The following GRK5 variants were observed in gnomAD, a reference collection of about 807,000 sequenced individuals.
GRK5 encodes the protein G protein-coupled receptor kinase 5.
GRK5 carries 40 observed loss-of-function variants against 78.4 expected under a neutral mutation model. That is an observed-to-expected ratio of 0.51 (90% CI 0.40 to 0.66). The LOEUF is 0.66. GRK5 is among the 30% of genes least tolerant of loss of function. GRK5 has a pLI of 0.00. For synonymous variants in GRK5, 289 were observed against 296.8 expected (o/e 0.97, Z 0.27); for missense variants, 598 against 759.9 (o/e 0.79, Z 2.50).
chr10:119,309,491 T>G (rs1333667921), intron 1 of GRK5, among the ~76,000 whole-genome samples: 1 of 152,250 alleles, frequency 6.6e-6, no homozygotes, highest in Admixed American at 6.5e-5. Context: ...CCAGGTCCTG[T>G]GACCCTATGT....
intron 2 of GRK5, among the ~76,000 whole-genome samples, chr10:119,367,244 T>C (rs1851464502): frequency 6.6e-6 from 1 of 152,214 alleles, no homozygotes; most frequent in Admixed American, 6.5e-5. Context: ...TCTGCTAAGC[T>C]CTAGCCTTCC....
At chr10:119,395,565 G>C (rs1852034374) in intron 3 of GRK5, among the ~76,000 whole-genome samples, 1 of 152,166 alleles carries the variant, frequency 6.6e-6, no homozygotes, top group South Asian at 2.1e-4. Flanking sequence ...TTTTGAAATG[G>C]TTATAAACAA....
chr10:119,323,402 AC>A (rs1259804293), intron 1 of GRK5, among the ~76,000 whole-genome samples: 16 of 152,166 alleles, frequency 1.1e-4, no homozygotes, highest in Non-Finnish European at 2.4e-4. Flanking sequence ...CAGGGGATGG[AC>A]CCGTCGAGTT....
chr10:119,271,831 A>G lies in GRK5; in HGVS notation c.53-54685A>G, dbSNP rs1849587160. Among the ~76,000 whole-genome samples the G allele has an allele frequency of 6.6e-6, 1 of 152,142 alleles. No individual in the cohort carries two copies. The highest frequency in any genetic ancestry group is 6.5e-5 in the Admixed American group (1 of 15,274). ...ACGTTGGGGAAGTTGCTTGCCTAATATGTGTGTGTTTCCTCATCTGTGAAG... is the reference window on the plus strand; with the variant it reads ...ACGTTGGGGAAGTTGCTTGCCTAATGTGTGTGTGTTTCCTCATCTGTGAAG... On this transcript the variant is annotated intron_variant, in intron 1 of 15. Transcript: ENST00000392870. This position sits in a 1 kb window ranked among gnomAD's most constrained non-coding sequence, Gnocchi z 4.1.
At chr10:119,454,614 G>C (rs941575145) in intron 15 of GRK5, among the ~76,000 whole-genome samples, 1 of 152,160 alleles carries the variant, frequency 6.6e-6, no homozygotes, top group East Asian at 1.9e-4. Context: ...CTCTTCTCCC[G>C]TGTTACAGGA....
chr10:119,388,575 G>T (rs1851836840), intron 3 of GRK5, among the ~76,000 whole-genome samples: 1 of 152,184 alleles, frequency 6.6e-6, no homozygotes. Context: ...GACCTCAAGT[G>T]ATCTGCCTGT....
Position 119,431,426 on chromosome 10 carries a change from G to A in GRK5, c.637G>A (p.Ala213Thr). 1 of 1,614,000 alleles carries A rather than the reference G, an allele frequency of 6.2e-7. No homozygotes were observed. Among genetic ancestry groups the A allele is most frequent in the Non-Finnish European group, 8.5e-7 (1 of 1,179,934 alleles). ...CQVRATGKMY[A>T]CKRLEKKRIK... ...GGTTCGGGCCACGGGTAAAATGTAT[G>A]CCTGCAAGCGCTTGGAGAAGAAGAG... The change falls in exon 8 of 16, where the codon GCC (alanine) becomes ACC (threonine). Residue 213 changes from alanine (A) to threonine (T), a missense_variant. Coordinates refer to ENST00000392870, the MANE Select transcript of GRK5 (RefSeq NM_005308.3). The surrounding 1 kb of genome is among the most constrained non-coding windows in gnomAD (Gnocchi z 4.8).
chr10:119,403,751 C>T (rs572558547), intron 4 of GRK5, among the ~76,000 whole-genome samples: 4 of 152,032 alleles, frequency 2.6e-5, no homozygotes, highest in South Asian at 2.1e-4. Flanking sequence ...CTCCTGCCAC[C>T]GCCTCCCAAG....
chr10:119,410,505 C>G (rs1382609039), intron 4 of GRK5, among the ~76,000 whole-genome samples: 2 of 152,138 alleles, frequency 1.3e-5, no homozygotes, highest in African/African-American at 2.4e-5. Context: ...CGCTGGGTCT[C>G]AGGCTGACCA....
rs201278015 is a variant in GRK5, at chr10:119,380,869, G to A, written c.203G>A (p.Arg68Gln). The change falls in exon 3 of 16, where the codon CGG (arginine) becomes CAG (glutamine). Residue 68 changes from arginine to glutamine, a missense_variant. Transcript: ENST00000392870. The stretch of plus-strand genomic sequence containing the variant: ...CAGCCAATCGGGAGGCTGCTTTTCC[G>A]GCAGTTTTGTGAAACCAGGCCTGGG... ...DKQPIGRLLFRQFCETRPGLE... is the reference protein window; with the variant it reads ...DKQPIGRLLFQQFCETRPGLE... 1.4e-5 allele frequency: 22 copies of A among 1,613,424 alleles called. No individual in the cohort carries two copies. The highest frequency in any genetic ancestry group is 1.2e-4 in the South Asian group (11 of 91,050).
Position 119,378,002 on chromosome 10 carries a change from G to A in GRK5, c.149-2813G>A, listed in dbSNP as rs1851651435. On this transcript the variant is annotated intron_variant, in intron 2 of 15. Transcript: ENST00000392870. This position sits in a 1 kb window ranked among gnomAD's most constrained non-coding sequence, Gnocchi z 4.5. ...CGGGAATGCAGGCTGTATCTGCAGG[G>A]CATTGTGCTAACAGGTGCAGGCTGC... 1.9e-5 allele frequency: 3 copies of A among 154,422 alleles called. No individual in the cohort carries two copies. Among genetic ancestry groups the A allele is most frequent in the Non-Finnish European group, 4.4e-5 (3 of 68,228 alleles). The allele number at this position is 154,422 out of a possible 1,614,324, so 9.6% of individuals were successfully genotyped here.
intron 3 of GRK5, among the ~76,000 whole-genome samples, chr10:119,381,984 C>G: frequency 6.6e-6 from 1 of 152,194 alleles, no homozygotes; most frequent in Non-Finnish European, 1.5e-5. Context: ...GTCAGTAAGT[C>G]CCAAATGCAC....
At chr10:119,446,175 C>T (rs1054368352) in intron 12 of GRK5, among the ~76,000 whole-genome samples, 5 of 152,218 alleles carry the variant, frequency 3.3e-5, no homozygotes, top group Non-Finnish European at 5.9e-5. Context: ...CTTCCTCTCA[C>T]TTCTCCTGGT....
chr10:119,394,193 TG>T (rs1310526357), intron 3 of GRK5, among the ~76,000 whole-genome samples: 4 of 133,340 alleles, frequency 3.0e-5, no homozygotes, highest in African/African-American at 5.6e-5. Context: ...TGTCTGTGTA[TG>T]GGGGTGTGTA....
At chr10:119,367,012 G>A (rs1320115342) in intron 2 of GRK5, among the ~76,000 whole-genome samples, 1 of 152,172 alleles carries the variant, frequency 6.6e-6, no homozygotes. Context: ...GCTGTTGTGA[G>A]GATTGCATGA....
intron 1 of GRK5, among the ~76,000 whole-genome samples, chr10:119,288,072 G>T (rs1210342854): frequency 6.6e-6 from 1 of 152,198 alleles, no homozygotes; most frequent in Non-Finnish European, 1.5e-5. Context: ...AGCCCAGAGC[G>T]GGGAGGCCGT....
chr10:119,442,558 C>CT (rs1853059452), intron 11 of GRK5, among the ~76,000 whole-genome samples: 1 of 152,244 alleles, frequency 6.6e-6, no homozygotes, highest in African/African-American at 2.4e-5. Flanking sequence ...CTGAGACCAG[C>CT]GTCCTGGGGG....
chr10:119,211,766 C>T (rs1445561370), intron 1 of GRK5: 4 of 152,214 alleles, frequency 2.6e-5, no homozygotes, highest in East Asian at 1.9e-4. Flanking sequence ...ATTAGCACCT[C>T]GGGGCCTGGA....
chr10:119,286,879 CTT>C (rs1193887624), intron 1 of GRK5, among the ~76,000 whole-genome samples: 1 of 152,168 alleles, frequency 6.6e-6, no homozygotes, highest in Admixed American at 6.5e-5. Flanking sequence ...TGGTAAAACT[CTT>C]TTTCTTGTCC....
Sources: allele counts gnomAD v4.1 joint callset (sites outside exome capture counted in the v4.1 genomes callset), GRCh38; gene constraint gnomAD v4.1.1; non-coding constraint Gnocchi (gnomAD v3.1); transcripts MANE v1.5; gene names NCBI Gene and HGNC (gene_info 2026-07-23, HGNC 2026-07-21).